UBE2G1: variants seen among roughly 807,000 people sequenced by gnomAD.
UBE2G1 encodes ubiquitin conjugating enzyme E2 G1, also known as ubiquitin-conjugating enzyme E2 G1.
In UBE2G1, 5 loss-of-function variants were observed where a neutral mutation model predicts 22.7. The observed-to-expected ratio is 0.22, with a 90% CI of 0.12 to 0.46. The LOEUF is 0.46. Ranked by LOEUF, UBE2G1 falls within the 20% of genes least tolerant of loss-of-function variation. The pLI is 0.99. For missense variants in UBE2G1, 88 were observed against 203.9 expected (o/e 0.43, Z 3.46); for synonymous variants, 74 against 67.5 (o/e 1.10, Z -0.47).
rs1327563270 is a variant in UBE2G1 at position 4,272,476 on chromosome 17, AG to A, written c.*77del. On this transcript the variant is annotated 3_prime_UTR_variant, in exon 6 of 6. Transcript: ENST00000396981. The stretch of plus-strand genomic sequence containing the variant: ...AACAGAAGTCCAGCAATAGGTGGGT[AG>A]AGTGCAGGAAAAACAGTGCCATGTT... The A allele has an allele frequency of 5.4e-6, 1 of 186,728 alleles. No homozygotes were observed. The highest frequency in any genetic ancestry group is 2.4e-5 in the African/African-American group (1 of 41,594). 11.6% of individuals were successfully genotyped at this position (186,728 alleles called of 1,614,324 possible).
chr17:4,324,264 C>T (rs1969476615), intron 1 of UBE2G1, among the ~76,000 whole-genome samples: 2 of 152,174 alleles, frequency 1.3e-5, no homozygotes, highest in African/African-American at 4.8e-5. Flanking sequence ...AATATAATAG[C>T]CACTAGTCGC....
intron 1 of UBE2G1, among the ~76,000 whole-genome samples, chr17:4,361,805 C>T (rs765966420): frequency 7.9e-5 from 12 of 151,604 alleles, no homozygotes; most frequent in Non-Finnish European, 1.6e-4. Context: ...GCCTGGGCAT[C>T]GTGGCACACA....
chr17:4,320,663 A>G (rs1273867276), intron 1 of UBE2G1, among the ~76,000 whole-genome samples: 1 of 152,196 alleles, frequency 6.6e-6, no homozygotes, highest in Non-Finnish European at 1.5e-5. Context: ...TCCTAAAGTA[A>G]CATAGGAAAA....
At chr17:4,344,296 T>G (rs999013701) in intron 1 of UBE2G1, among the ~76,000 whole-genome samples, 3 of 152,034 alleles carry the variant, frequency 2.0e-5, no homozygotes, top group African/African-American at 7.2e-5. Context: ...ATCCCAGCAC[T>G]TTGGGAGGCC....
intron 5 of UBE2G1, among the ~76,000 whole-genome samples, chr17:4,279,343 T>C (rs1415683959): frequency 1.3e-5 from 2 of 150,862 alleles, no homozygotes; most frequent in African/African-American, 4.9e-5. Flanking sequence ...AATCTGATTG[T>C]AGAACATAAC....
chr17:4,341,746 T>G (rs920754574), intron 1 of UBE2G1, among the ~76,000 whole-genome samples: 16 of 152,220 alleles, frequency 1.1e-4, no homozygotes, highest in Non-Finnish European at 4.4e-5. Flanking sequence ...ATCCGTCCAG[T>G]GCAACTGCCT....
At chr17:4,359,331 A>C (rs1315895122) in intron 1 of UBE2G1, among the ~76,000 whole-genome samples, 1 of 152,238 alleles carries the variant, frequency 6.6e-6, no homozygotes. Flanking sequence ...GTAAATAAGA[A>C]TAGCTAAAGG....
chr17:4,309,678 G>C (rs73972427), intron 1 of UBE2G1, among the ~76,000 whole-genome samples: 78 of 152,198 alleles, frequency 5.1e-4, no homozygotes, highest in African/African-American at 1.8e-3. Flanking sequence ...TTTTTCTAGA[G>C]AAACACCATT....
intron 2 of UBE2G1, among the ~76,000 whole-genome samples, chr17:4,306,621 T>A (rs1488547457): frequency 6.6e-6 from 1 of 152,166 alleles, no homozygotes. Context: ...TAAAAAATAA[T>A]TTCATGTCAG....
At chr17:4,279,456 C>T (rs1392216659) in intron 5 of UBE2G1, among the ~76,000 whole-genome samples, 1 of 152,056 alleles carries the variant, frequency 6.6e-6, no homozygotes, top group Non-Finnish European at 1.5e-5. Flanking sequence ...CAACCTCTAC[C>T]TCATACCATA....
chr17:4,346,570 G>A (rs549715016), intron 1 of UBE2G1, among the ~76,000 whole-genome samples: 1 of 151,298 alleles, frequency 6.6e-6, no homozygotes, highest in Non-Finnish European at 1.5e-5. Flanking sequence ...CAAGTGGCTG[G>A]GACTATAGGT....
chr17:4,361,109 G>A (rs902813587), intron 1 of UBE2G1, among the ~76,000 whole-genome samples: 24 of 151,934 alleles, frequency 1.6e-4, no homozygotes, highest in African/African-American at 5.6e-4. Flanking sequence ...TGTAATCTCA[G>A]CTACTTGGGA....
chr17:4,273,361 T>G (rs995508962), intron 5 of UBE2G1, among the ~76,000 whole-genome samples: 4 of 152,276 alleles, frequency 2.6e-5, no homozygotes, highest in African/African-American at 9.6e-5. Context: ...GTTTGTTATT[T>G]ATTTGAGACA....
chr17:4,300,667 T>TA (rs764369667), intron 2 of UBE2G1, among the ~76,000 whole-genome samples: 51 of 149,976 alleles, frequency 3.4e-4, no homozygotes, highest in Non-Finnish European at 6.2e-4. Context: ...ATCATGATAT[T>TA]AAAAAGAGGT....
chr17:4,307,063 T>C lies in UBE2G1; in HGVS notation c.107A>G (p.Tyr36Cys). The change falls in exon 2 of 6, where the codon TAC becomes TGC. Residue 36 changes from tyrosine to cysteine, a missense_variant. Transcript: ENST00000396981. ...GCCAATAATAAGGACTTCCCATCGGTAGAGATCATTGTCATCTATTAAACC... is the reference window on the plus strand; with the variant it reads ...GCCAATAATAAGGACTTCCCATCGGCAGAGATCATTGTCATCTATTAAACC... ...SAGLIDDNDL[Y>C]RWEVLIIGPP... 6.2e-7 allele frequency: 1 copy of C among 1,614,092 alleles called. No homozygotes were observed. Among genetic ancestry groups the C allele is most frequent in the Non-Finnish European group, 8.5e-7 (1 of 1,179,962 alleles).
At chr17:4,327,080 G>C (rs531844406) in intron 1 of UBE2G1, among the ~76,000 whole-genome samples, 1 of 152,276 alleles carries the variant, frequency 6.6e-6, no homozygotes, top group South Asian at 2.1e-4. Context: ...TGGATCACCT[G>C]AGTTCAGAAG....
chr17:4,284,838 C>CTTTTT (rs1176508350), intron 4 of UBE2G1, among the ~76,000 whole-genome samples: 1 of 22,314 alleles, frequency 4.5e-5, no homozygotes, highest in African/African-American at 9.3e-5. Flanking sequence ...TCTTTTCTTT[C>CTTTTT]TTTTTTTTTT....
At chr17:4,278,957 TAAAC>T (rs1054296987) in intron 5 of UBE2G1, among the ~76,000 whole-genome samples, 58 of 152,230 alleles carry the variant, frequency 3.8e-4, no homozygotes, top group African/African-American at 1.3e-3. Context: ...AAAATTAAGA[TAAAC>T]AAGCCAACCA....
intron 1 of UBE2G1, among the ~76,000 whole-genome samples, chr17:4,342,964 A>C (rs1040226868): frequency 6.6e-6 from 1 of 152,132 alleles, no homozygotes; most frequent in Non-Finnish European, 1.5e-5. Flanking sequence ...TCTTCAAGAC[A>C]TCAGTACTCC....
Sources: allele counts gnomAD v4.1 joint callset (sites outside exome capture counted in the v4.1 genomes callset), GRCh38; gene constraint gnomAD v4.1.1; transcripts MANE v1.5; gene names NCBI Gene and HGNC (gene_info 2026-07-23, HGNC 2026-07-21).